CATSPERE: variants seen among roughly 807,000 people sequenced by gnomAD.
The protein encoded by CATSPERE is cation channel sperm-associated auxiliary subunit epsilon.
CATSPERE carries 93 observed loss-of-function variants against 114.1 expected under a neutral mutation model. The observed-to-expected ratio is 0.81, with a 90% CI of 0.69 to 0.97. The LOEUF (loss-of-function observed/expected upper bound fraction) is 0.97. CATSPERE is among the 50% of genes least tolerant of loss of function. CATSPERE has a pLI of 0.00. For missense variants in CATSPERE, 1,058 were observed against 1,131.6 expected, an observed-to-expected ratio of 0.93 and a Z score of 0.93; for synonymous variants, 341 against 384.1, an observed-to-expected ratio of 0.89 and a Z score of 1.31.
At chr1:244,561,554 G>C (rs1662566557) in intron 10 of CATSPERE, among the ~76,000 whole-genome samples, 1 of 152,122 alleles carries the variant, frequency 6.6e-6, no homozygotes, top group African/African-American at 2.4e-5. Flanking sequence ...GGAATATCAA[G>C]GTGTTGATAG....
chr1:244,599,813 A>C (rs143953627), intron 17 of CATSPERE, among the ~76,000 whole-genome samples: 1 of 152,200 alleles, frequency 6.6e-6, no homozygotes, highest in Non-Finnish European at 1.5e-5. Context: ...AAGAGAAGCC[A>C]GACTGCAGGG....
intron 6 of CATSPERE, among the ~76,000 whole-genome samples, chr1:244,493,247 C>T (rs920033513): frequency 3.3e-5 from 5 of 152,300 alleles, no homozygotes; most frequent in Admixed American, 6.5e-5. Flanking sequence ...GGTACCAAAA[C>T]AGAGATATAG....
chr1:244,556,531 A>C (rs914896791), intron 9 of CATSPERE, among the ~76,000 whole-genome samples: 1 of 152,168 alleles, frequency 6.6e-6, no homozygotes, highest in Non-Finnish European at 1.5e-5. Flanking sequence ...CACTTTAAAT[A>C]TAAGGAGATA....
chr1:244,618,185 C>T (rs1671632829), intron 20 of CATSPERE, among the ~76,000 whole-genome samples: 1 of 152,044 alleles, frequency 6.6e-6, no homozygotes, highest in South Asian at 2.1e-4. Context: ...ATTTACATTG[C>T]CAGAAGACAG....
At chr1:244,483,302 T>A (rs1670534032) in intron 5 of CATSPERE, among the ~76,000 whole-genome samples, 1 of 152,234 alleles carries the variant, frequency 6.6e-6, no homozygotes, top group Non-Finnish European at 1.5e-5. Flanking sequence ...GAAGTAGTAC[T>A]GATTTAATGC....
chr1:244,503,885 T>C (rs1464916277), intron 7 of CATSPERE, among the ~76,000 whole-genome samples: 1 of 152,246 alleles, frequency 6.6e-6, no homozygotes, highest in East Asian at 1.9e-4. Flanking sequence ...ATTTCTAATA[T>C]GCTATTAAAC....
intron 6 of CATSPERE, among the ~76,000 whole-genome samples, chr1:244,492,804 GACAA>G (rs1446738645): frequency 6.8e-5 from 10 of 146,642 alleles, no homozygotes; most frequent in Admixed American, 4.1e-4. Flanking sequence ...ACCAATAACA[GACAA>G]ACAGAGAGCC....
At position 244,617,541 on chromosome 1, in the gene CATSPERE, T is replaced by C. The variant is rs1289417136; in HGVS notation, c.2503T>C (p.Cys835Arg). ...EVWGPENYKH[C>R]FSYAIGKPGD... ...GTTTCTTGTTCAGAACTATAAACAC[T>C]GTTTTTCTTATGCTATTGGAAAACC... The change falls in exon 20 of 22, where the codon TGT (cysteine) becomes CGT (arginine). Residue 835 changes from cysteine to arginine, a missense_variant. Around this residue, in one of 2 missense-constraint regions of CATSPERE, gnomAD observed 787 missense variants for 905.6 expected, o/e 0.87. Transcript: ENST00000366534. 6.6e-7 allele frequency: 1 copy of C among 1,520,076 alleles called. No homozygotes were observed. Among genetic ancestry groups the C allele is most frequent in the East Asian group, 2.5e-5 (1 of 39,726 alleles). 94.2% of individuals were successfully genotyped at this position (1,520,076 alleles called of 1,614,324 possible). A position where few individuals can be genotyped will look rare whatever the true frequency, so the allele number is the denominator to read the frequency against.
At chr1:244,611,206 G>C (rs1477898519) in intron 19 of CATSPERE, among the ~76,000 whole-genome samples, 2 of 152,122 alleles carry the variant, frequency 1.3e-5, no homozygotes, top group Non-Finnish European at 2.9e-5. Flanking sequence ...TGCATCTAAT[G>C]CATTATAGGT....
At chr1:244,478,425 C>A (rs1424118913) in intron 4 of CATSPERE, among the ~76,000 whole-genome samples, 40 of 152,178 alleles carry the variant, frequency 2.6e-4, no homozygotes. Flanking sequence ...ACCAAAAACA[C>A]CCAAAGGCAA....
At chr1:244,497,505 T>A (rs1673289235) in intron 6 of CATSPERE, among the ~76,000 whole-genome samples, 1 of 152,168 alleles carries the variant, frequency 6.6e-6, no homozygotes, top group Admixed American at 6.5e-5. Context: ...TAAACTATAC[T>A]GCAGTACCAG....
At chr1:244,469,955 G>A (rs1212604887) in intron 2 of CATSPERE, among the ~76,000 whole-genome samples, 1 of 151,992 alleles carries the variant, frequency 6.6e-6, no homozygotes, top group Non-Finnish European at 1.5e-5. Flanking sequence ...CAAGAGAATT[G>A]AATGGAAAAA....
chr1:244,451,857 C>T (rs757230494), upstream of CATSPERE: 4 of 1,511,516 alleles, frequency 2.6e-6, no homozygotes, highest in South Asian at 2.5e-5. The surrounding 1 kb of genome is among the most constrained non-coding windows in gnomAD (Gnocchi z 6.6). Flanking sequence ...GAGAGGCGGC[C>T]GGCGAGGAGT....
intron 8 of CATSPERE, among the ~76,000 whole-genome samples, chr1:244,542,190 A>G (rs914984888): frequency 6.7e-6 from 1 of 150,300 alleles, no homozygotes; most frequent in African/African-American, 2.4e-5. Context: ...TGTTCCAACC[A>G]AGCCCTGGTG....
chr1:244,472,917 C>G (rs1174697470), intron 2 of CATSPERE, among the ~76,000 whole-genome samples: 1 of 152,124 alleles, frequency 6.6e-6, no homozygotes, highest in Non-Finnish European at 1.5e-5. Flanking sequence ...CTTAACAATA[C>G]ACATTTAAGT....
intron 10 of CATSPERE, among the ~76,000 whole-genome samples, chr1:244,562,533 C>T (rs1384293024): frequency 6.6e-6 from 1 of 152,136 alleles, no homozygotes; most frequent in African/African-American, 2.4e-5. Flanking sequence ...AAGTTTGTCA[C>T]AGTCTAAACT....
chr1:244,508,002 A>G (rs1418488063), intron 7 of CATSPERE, among the ~76,000 whole-genome samples: 1 of 151,870 alleles, frequency 6.6e-6, no homozygotes, highest in Non-Finnish European at 1.5e-5. Flanking sequence ...CTATTTCTGT[A>G]AAGAATGTCC....
At chr1:244,467,136 A>G (rs1353659639) in intron 2 of CATSPERE, among the ~76,000 whole-genome samples, 2 of 152,136 alleles carry the variant, frequency 1.3e-5, no homozygotes, top group Non-Finnish European at 2.9e-5. Flanking sequence ...GTTAATTTTT[A>G]CTAAATAACT....
chr1:244,514,349 G>T (rs1436512791), intron 7 of CATSPERE, among the ~76,000 whole-genome samples: 1 of 152,240 alleles, frequency 6.6e-6, no homozygotes, highest in East Asian at 1.9e-4. Flanking sequence ...GTGACAAATT[G>T]TAGTAATACA....
Sources: allele counts gnomAD v4.1 joint callset (sites outside exome capture counted in the v4.1 genomes callset), GRCh38; gene constraint gnomAD v4.1.1; regional missense constraint gnomAD v4.1.1; non-coding constraint Gnocchi (gnomAD v3.1); transcripts MANE v1.5; gene names NCBI Gene and HGNC (gene_info 2026-07-23, HGNC 2026-07-21).